Variants in CTNNA2 observed in about 807,000 individuals in gnomAD.
CTNNA2 encodes the protein catenin alpha 2, also known as catenin alpha-2.
CTNNA2 carries 42 observed loss-of-function variants against 101.0 expected under a neutral mutation model. That is an observed-to-expected ratio of 0.42 (90% CI 0.32 to 0.54). CTNNA2 has a LOEUF of 0.54. CTNNA2 is among the 20% of genes least tolerant of loss of function. The pLI is 0.14. For synonymous variants in CTNNA2, 450 were observed against 456.4 expected (o/e 0.99, Z 0.18); for missense variants, 871 against 1,223.1 (o/e 0.71, Z 4.29).
chr2:79,533,306 G>A (rs1481303427), intron 1 of CTNNA2, among the ~76,000 whole-genome samples: 4 of 152,016 alleles, frequency 2.6e-5, no homozygotes, highest in African/African-American at 7.2e-5. Context: ...ATTCATCTAA[G>A]TATACCTTAC....
At chr2:79,369,719 GC>G (rs2104453734) in intron 3 of CTNNA2, among the ~76,000 whole-genome samples, 1 of 152,154 alleles carries the variant, frequency 6.6e-6, no homozygotes, top group South Asian at 2.1e-4. Flanking sequence ...CCTTACACCT[GC>G]CTCCACCCTT....
chr2:80,091,278 G>T (rs920412073), intron 7 of CTNNA2, among the ~76,000 whole-genome samples: 1 of 151,960 alleles, frequency 6.6e-6, no homozygotes, highest in East Asian at 1.9e-4. Flanking sequence ...ATTACTATTC[G>T]ACTTGTTTTC....
intron 7 of CTNNA2, among the ~76,000 whole-genome samples, chr2:79,945,772 C>T (rs989554262): frequency 1.3e-5 from 2 of 152,176 alleles, no homozygotes; most frequent in African/African-American, 2.4e-5. Flanking sequence ...ATCCAGCAGA[C>T]ATTTAGTTCA....
chr2:80,500,097 A>G (rs1418444890), intron 9 of CTNNA2, among the ~76,000 whole-genome samples: 1 of 152,302 alleles, frequency 6.6e-6, no homozygotes, highest in South Asian at 2.1e-4. Flanking sequence ...CTTTTCCAAA[A>G]TAGAAGCGTG....
chr2:79,271,271 A>T (rs577994084), intron 2 of CTNNA2, among the ~76,000 whole-genome samples: 10 of 151,990 alleles, frequency 6.6e-5, no homozygotes, highest in South Asian at 2.1e-4. Context: ...GGTGGCCTTT[A>T]TATGGGTGAT....
In CTNNA2 at chr2:79,917,555, A is replaced by C. The variant is rs149058468; in HGVS notation, c.1056+7758A>C. Among the ~76,000 whole-genome samples the C allele has an allele frequency of 4.2e-3, 636 of 152,264 alleles. 2 individuals are homozygous for C. The highest frequency in any genetic ancestry group is 0.017 in the South Asian group (84 of 4,818). ...TACAATTCTGTTTGGCTGCATTTCT[A>C]GGTAGATTTCACTCTAACTCCCAGA... On this transcript the variant is annotated intron_variant, in intron 7 of 18. Coordinates refer to ENST00000402739, the MANE Select transcript of CTNNA2 (RefSeq NM_001282597.3).
chr2:80,246,481 G>A (rs960692460), intron 7 of CTNNA2, among the ~76,000 whole-genome samples: 15 of 152,174 alleles, frequency 9.9e-5, no homozygotes, highest in Non-Finnish European at 2.2e-4. Flanking sequence ...GGCATAACTT[G>A]AATATAGAAA....
At chr2:79,898,998 GA>G (rs1417085626) in intron 6 of CTNNA2, among the ~76,000 whole-genome samples, 3 of 152,192 alleles carry the variant, frequency 2.0e-5, no homozygotes, top group African/African-American at 7.2e-5. Context: ...TGAAGGGAAG[GA>G]GGAGTATGAA....
intron 7 of CTNNA2, among the ~76,000 whole-genome samples, chr2:79,997,879 G>A (rs1692668774): frequency 6.6e-6 from 1 of 152,116 alleles, no homozygotes; most frequent in African/African-American, 2.4e-5. Flanking sequence ...CACCTGCCTG[G>A]TAGATTATGG....
At chr2:80,348,378 C>G (rs987068373) in intron 7 of CTNNA2, among the ~76,000 whole-genome samples, 1 of 152,074 alleles carries the variant, frequency 6.6e-6, no homozygotes, top group Admixed American at 6.6e-5. Context: ...AGGTTATGGT[C>G]TAAAGAATGT....
intron 9 of CTNNA2, among the ~76,000 whole-genome samples, chr2:80,526,930 A>G (rs2149586527): frequency 6.6e-6 from 1 of 152,288 alleles, no homozygotes; most frequent in Admixed American, 6.5e-5. Context: ...TCCTTTTGTC[A>G]CCCTTCTAAC....
Position 79,742,955 on chromosome 2 carries a change from A to G in CTNNA2, c.103-1432A>G, listed in dbSNP as rs189326627. Among the ~76,000 whole-genome samples, 5 of 152,098 alleles carry G rather than the reference A, an allele frequency of 3.3e-5. No individual in the cohort carries two copies. In the East Asian group the frequency reaches 9.7e-4, roughly 29 times the overall value. On this transcript the variant is annotated intron_variant, in intron 2 of 18. Transcript: ENST00000402739. ...ATTTATTCAATCCTTTTTTTCTTTC[A>G]GTGTTATCTCTTTCTCTATAAACTG...
chr2:80,138,523 CT>C (rs1702820013), intron 7 of CTNNA2, among the ~76,000 whole-genome samples: 1 of 152,092 alleles, frequency 6.6e-6, no homozygotes, highest in Admixed American at 6.6e-5. Flanking sequence ...TTTGTACCCC[CT>C]ACTCACTGTG....
At chr2:80,505,235 T>G (rs1054007442) in intron 9 of CTNNA2, among the ~76,000 whole-genome samples, 1 of 152,266 alleles carries the variant, frequency 6.6e-6, no homozygotes, top group Admixed American at 6.5e-5. Flanking sequence ...CAGGTAGAAT[T>G]TGGATTGTCA....
Position 79,726,770 on chromosome 2 carries a change from TAG to T in CTNNA2, c.103-17611_103-17610del, listed in dbSNP as rs1686870361. Reference sequence around the variant, plus strand: ...AACAAGGCAATATTTTAAAATGGGGTAGAGAGATTCTATCTGCCTATTGGCAT... The same window carrying T: ...AACAAGGCAATATTTTAAAATGGGGTAGAGATTCTATCTGCCTATTGGCAT... On this transcript the variant is annotated intron_variant, in intron 2 of 18. Coordinates refer to ENST00000402739, the MANE Select transcript of CTNNA2 (RefSeq NM_001282597.3). Among the ~76,000 whole-genome samples the T allele has an allele frequency of 2.0e-5, 3 of 152,166 alleles. No individual in the cohort carries two copies. The South Asian group carries it at 6.2e-4, about 31-fold the overall frequency.
intron 7 of CTNNA2, among the ~76,000 whole-genome samples, chr2:80,390,412 G>A (rs975957365): frequency 3.3e-5 from 5 of 152,158 alleles, no homozygotes; most frequent in African/African-American, 9.7e-5. Context: ...CCAATAGGAC[G>A]CCTCACATCT....
chr2:79,638,893 A>G (rs1680262282), intron 1 of CTNNA2, among the ~76,000 whole-genome samples: 1 of 152,172 alleles, frequency 6.6e-6, no homozygotes, highest in African/African-American at 2.4e-5. Context: ...TTCTTTCTTT[A>G]TATCATGATT....
intron 12 of CTNNA2, among the ~76,000 whole-genome samples, chr2:80,557,695 CT>C (rs1431413163): frequency 6.6e-6 from 1 of 152,166 alleles, no homozygotes; most frequent in Non-Finnish European, 1.5e-5. Flanking sequence ...CATTTTAGAA[CT>C]TTTTCTTATT....
At chr2:79,816,371 G>C (rs564045567) in intron 3 of CTNNA2, among the ~76,000 whole-genome samples, 2 of 152,144 alleles carry the variant, frequency 1.3e-5, no homozygotes, top group South Asian at 4.1e-4. Flanking sequence ...TCCCCATTCA[G>C]TATTATGTTG....
Sources: allele counts gnomAD v4.1 joint callset (sites outside exome capture counted in the v4.1 genomes callset), GRCh38; gene constraint gnomAD v4.1.1; transcripts MANE v1.5; gene names NCBI Gene and HGNC (gene_info 2026-07-23, HGNC 2026-07-21).